The following SPOCK3 variants were observed in gnomAD, a reference collection of about 807,000 sequenced individuals.
The protein encoded by SPOCK3 is SPARC (osteonectin), cwcv and kazal like domains proteoglycan 3.
A neutral mutation model predicts 56.6 loss-of-function variants in SPOCK3; 30 were observed. The observed-to-expected ratio is 0.53, with a 90% CI of 0.40 to 0.72. The LOEUF is 0.72. SPOCK3 is among the 30% of genes least tolerant of loss of function. The pLI is 0.00. For synonymous variants in SPOCK3, 196 were observed against 183.3 expected (o/e 1.07, Z -0.56); for missense variants, 527 against 530.0 (o/e 0.99, Z 0.06).
intron 4 of SPOCK3, among the ~76,000 whole-genome samples, chr4:166,988,107 A>G (rs532290198): frequency 1.5e-4 from 23 of 152,270 alleles, no homozygotes; most frequent in African/African-American, 5.3e-4. Flanking sequence ...TAGATCAAGG[A>G]ATACAAACAT....
Position 166,735,026 on chromosome 4 carries a change from C to A in SPOCK3, c.1197G>T (p.Glu399Asp). Residue 399 changes from glutamate to aspartate, a missense_variant, in exon 11 of 11, where the codon GAG (glutamate) becomes GAT (aspartate). Transcript: ENST00000357545. ...SGDFHEWTDD[E>D]DDEDDIMNDE... ...CATTCATAATATCGTCTTCATCATC[C>A]TCATCATCAGTCCATTCATGAAAAT... 1 of 1,585,096 alleles carries A rather than the reference C, an allele frequency of 6.3e-7. No homozygotes were observed. Among genetic ancestry groups the A allele is most frequent in the South Asian group, 1.1e-5 (1 of 90,124 alleles).
chr4:167,160,110 T>C (rs1765160190), intron 2 of SPOCK3, among the ~76,000 whole-genome samples: 1 of 152,142 alleles, frequency 6.6e-6, no homozygotes. Context: ...TGTCCCTGTT[T>C]GCAGATGACA....
chr4:167,080,314 C>T (rs1005955008), intron 2 of SPOCK3, among the ~76,000 whole-genome samples: 3 of 152,050 alleles, frequency 2.0e-5, no homozygotes, highest in Admixed American at 6.6e-5. Flanking sequence ...CTAAGGAATG[C>T]CACTTGCAAA....
intron 4 of SPOCK3, among the ~76,000 whole-genome samples, chr4:166,999,210 A>G (rs975297059): frequency 2.6e-5 from 4 of 152,056 alleles, no homozygotes; most frequent in African/African-American, 9.7e-5. Context: ...CATGATTCTA[A>G]CCCAAGTGAA....
intron 4 of SPOCK3, among the ~76,000 whole-genome samples, chr4:166,974,991 G>T (rs944600497): frequency 6.6e-6 from 1 of 152,056 alleles, no homozygotes; most frequent in Non-Finnish European, 1.5e-5. Flanking sequence ...TTTATCATGG[G>T]TGTGGGTTAG....
intron 6 of SPOCK3, among the ~76,000 whole-genome samples, chr4:166,827,933 C>G (rs542859757): frequency 9.9e-5 from 15 of 151,990 alleles, no homozygotes; most frequent in African/African-American, 3.4e-4. Flanking sequence ...CAGAGCATCT[C>G]TCTTTTTAAT....
chr4:167,020,582 T>C (rs1751071558), intron 3 of SPOCK3, among the ~76,000 whole-genome samples: 1 of 152,036 alleles, frequency 6.6e-6, no homozygotes, highest in African/African-American at 2.4e-5. Context: ...ATACGTCCCT[T>C]GTGTTCTTCC....
chr4:167,140,154 T>G (rs1763417345), intron 2 of SPOCK3, among the ~76,000 whole-genome samples: 1 of 152,076 alleles, frequency 6.6e-6, no homozygotes, highest in Non-Finnish European at 1.5e-5. Flanking sequence ...GATTTCCTTC[T>G]GTGAGATGAT....
chr4:166,971,498 A>G (rs1033218073), intron 4 of SPOCK3, among the ~76,000 whole-genome samples: 6 of 151,292 alleles, frequency 4.0e-5, no homozygotes, highest in African/African-American at 1.4e-4. Context: ...ATATGGAGTC[A>G]TATTTCTCTT....
chr4:166,961,575 T>C (rs1344161428), intron 4 of SPOCK3, among the ~76,000 whole-genome samples: 1 of 151,812 alleles, frequency 6.6e-6, no homozygotes, highest in Non-Finnish European at 1.5e-5. Flanking sequence ...GCTTATCAAG[T>C]GTTCAGATAT....
intron 2 of SPOCK3, among the ~76,000 whole-genome samples, chr4:167,118,341 AT>A (rs1580352304): frequency 6.6e-6 from 1 of 152,154 alleles, no homozygotes; most frequent in East Asian, 1.9e-4. Context: ...CAGTGTAATT[AT>A]TTCCTTACTT....
chr4:166,991,807 C>A (rs1579925855), intron 4 of SPOCK3, among the ~76,000 whole-genome samples: 1 of 152,172 alleles, frequency 6.6e-6, no homozygotes, highest in Non-Finnish European at 1.5e-5. Context: ...AACTGACACA[C>A]TCTGGAGGTT....
chr4:167,037,822 A>G (rs1174498616), intron 3 of SPOCK3, among the ~76,000 whole-genome samples: 1 of 152,236 alleles, frequency 6.6e-6, no homozygotes, highest in Non-Finnish European at 1.5e-5. Flanking sequence ...TTTATCAAGT[A>G]TTTTCCTGAA....
intron 6 of SPOCK3, among the ~76,000 whole-genome samples, chr4:166,831,702 C>A (rs994934016): frequency 6.8e-6 from 1 of 146,974 alleles, no homozygotes; most frequent in Non-Finnish European, 1.5e-5. Flanking sequence ...ATTATATGGA[C>A]CTATTTTTTT....
chr4:167,207,876 A>AT (rs998522124), intron 2 of SPOCK3, among the ~76,000 whole-genome samples: 2 of 149,184 alleles, frequency 1.3e-5, no homozygotes, highest in South Asian at 2.1e-4. Context: ...TATAATAATA[A>AT]AAAAAAAAAA....
At chr4:166,736,720 CGT>C (rs201534497) in intron 10 of SPOCK3, among the ~76,000 whole-genome samples, 2,502 of 151,036 alleles carry the variant, frequency 0.017, 25 homozygotes, top group Non-Finnish European at 0.024. Flanking sequence ...TGTGTGTGCG[CGT>C]GTGTGTGTCT....
chr4:166,980,947 G>A (rs34270822), intron 4 of SPOCK3, among the ~76,000 whole-genome samples: 26,267 of 152,148 alleles, frequency 0.17, 2,470 homozygotes, highest in African/African-American at 0.24. Context: ...CCCTGTTTGT[G>A]CTAAAGCTCT....
chr4:166,851,156 A>G lies in SPOCK3; in HGVS notation c.589+37974T>C, dbSNP rs367543572. ...AGACTGCCTCCTCAAGTGGGTCCCT[A>G]ACCCCTGACCCCCGAGCAGCCTAAC... On this transcript the variant is annotated intron_variant, in intron 6 of 10. Coordinates refer to ENST00000357545, the MANE Select transcript of SPOCK3 (RefSeq NM_001040159.2). Among the ~76,000 whole-genome samples, 1,069 of 152,270 alleles carry G rather than the reference A, an allele frequency of 7.0e-3. 9 individuals are homozygous for G. Among genetic ancestry groups the G allele is most frequent in the East Asian group, 0.025 (127 of 5,170 alleles).
At chr4:166,886,329 A>G (rs1011454064) in intron 6 of SPOCK3, among the ~76,000 whole-genome samples, 1 of 152,162 alleles carries the variant, frequency 6.6e-6, no homozygotes, top group Non-Finnish European at 1.5e-5. Flanking sequence ...CATTAAAGGG[A>G]CTGCAAAACA....
Sources: gnomAD v4.1 joint callset for allele counts (sites outside exome capture counted in the v4.1 genomes callset) on GRCh38, gnomAD v4.1.1 for gene constraint, MANE v1.5 for transcripts, NCBI Gene and HGNC (gene_info 2026-07-23, HGNC 2026-07-21) for gene names.